Variants in COL22A1 observed in about 807,000 individuals in gnomAD.
The protein encoded by COL22A1 is collagen alpha-1(XXII) chain.
Under a neutral mutation model 248.9 loss-of-function variants are expected in COL22A1, and 221 were observed. The observed-to-expected ratio is 0.89, with a 90% CI of 0.80 to 0.99. The LOEUF is 0.99. Ranked by LOEUF, COL22A1 falls within the 50% of genes least tolerant of loss-of-function variation. COL22A1 has a pLI of 0.00. For missense variants in COL22A1, 2,240 were observed against 2,179.0 expected, an observed-to-expected ratio of 1.03 and a Z score of -0.56; for synonymous variants, 891 against 793.4, an observed-to-expected ratio of 1.12 and a Z score of -2.07.
intron 37 of COL22A1, among the ~76,000 whole-genome samples, chr8:138,686,743 G>A (rs1826389134): frequency 6.6e-6 from 1 of 152,112 alleles, no homozygotes; most frequent in African/African-American, 2.4e-5. Flanking sequence ...TTCTGAACAT[G>A]CACCTGTTAG....
In COL22A1 at chr8:138,890,978, G is replaced by C. The variant is rs548011811; in HGVS notation, c.-72-7734C>G. On this transcript the variant is annotated intron_variant, in intron 1 of 64. Coordinates refer to ENST00000303045, the MANE Select transcript of COL22A1 (RefSeq NM_152888.3). The stretch of plus-strand genomic sequence containing the variant: ...GTGGAGGTTGCAGTGAGCTGAGATC[G>C]TTCCACCATATTCCAGCCTGGCGAC... Among the ~76,000 whole-genome samples the C allele has an allele frequency of 1.4e-3, 209 of 151,930 alleles. 1 individual carries two copies. The highest frequency in any genetic ancestry group is 2.2e-3 in the Non-Finnish European group (147 of 67,966).
chr8:138,701,258 A>G (rs1032351757), intron 31 of COL22A1, among the ~76,000 whole-genome samples: 2 of 152,144 alleles, frequency 1.3e-5, no homozygotes. Context: ...ATAATTTGCA[A>G]TGTAGCTATA....
Position 138,722,070 on chromosome 8 carries a change from C to T in COL22A1, c.2267G>A (p.Gly756Glu), listed in dbSNP as rs1233569409. Residue 756 changes from glycine to glutamate, a missense_variant, in exon 26 of 65, where the codon GGG becomes GAG. By Grantham distance (98) the Gly-to-Glu change is moderately conservative. Transcript: ENST00000303045. ...PGPTGPPGKDGPNGPPGPPGT... is the reference protein window; with the variant it reads ...PGPTGPPGKDEPNGPPGPPGT... ...TGGCGGACCTGGTGGTCCATTTGGC[C>T]CGTCCTTTCCAGGGGGTCCCTGGGC... The T allele has an allele frequency of 1.3e-6, 2 of 1,583,622 alleles. No homozygotes were observed. Among genetic ancestry groups the T allele is most frequent in the East Asian group, 4.5e-5 (2 of 44,058 alleles).
intron 48 of COL22A1, among the ~76,000 whole-genome samples, chr8:138,636,421 C>T (rs536572482): frequency 1.4e-5 from 2 of 144,890 alleles, no homozygotes; most frequent in South Asian, 2.3e-4. Context: ...AATGAGTGTC[C>T]ATTTCAGTGA....
At chr8:138,737,714 C>T (rs1831234257) in intron 22 of COL22A1, 137 bp from the exon 23 acceptor site, 6 of 624,104 alleles carry the variant, frequency 9.6e-6, no homozygotes, top group South Asian at 9.5e-5. Flanking sequence ...TCAGGAGTGC[C>T]CCACAGAGGA....
Position 138,594,142 on chromosome 8 carries a change from C to G in COL22A1, c.4490G>C (p.Gly1497Ala). ...MPPAYMKSSQ[G>A]RPGPPGPPGK... is the part of the protein sequence containing the mutation. Reference sequence around the variant, plus strand: ...AGGGGGCCCTGGGGGCCCAGGTCTGCCTTGAGATGACTTCATGTACGCCGG... The same window carrying G: ...AGGGGGCCCTGGGGGCCCAGGTCTGGCTTGAGATGACTTCATGTACGCCGG... The change falls in exon 63 of 65, where the codon GGC becomes GCC. Residue 1497 changes from glycine to alanine, a missense_variant. Transcript: ENST00000303045. 6.3e-7 allele frequency: 1 copy of G among 1,578,738 alleles called. No individual in the cohort carries two copies. The highest frequency in any genetic ancestry group is 8.6e-7 in the Non-Finnish European group (1 of 1,168,538).
chr8:138,817,039 G>A (rs530923455), intron 7 of COL22A1, among the ~76,000 whole-genome samples: 18 of 152,338 alleles, frequency 1.2e-4, no homozygotes, highest in African/African-American at 3.6e-4. Context: ...GCTCTGACAG[G>A]TGTGAGTTTC....
intron 50 of COL22A1, among the ~76,000 whole-genome samples, chr8:138,629,216 G>A (rs961226425): frequency 6.6e-6 from 1 of 152,116 alleles, no homozygotes; most frequent in Admixed American, 6.5e-5. Context: ...GAGTGCAGTG[G>A]TGCGATCTCA....
At chr8:138,805,206 T>C (rs1391391315) in intron 10 of COL22A1, among the ~76,000 whole-genome samples, 2 of 138,470 alleles carry the variant, frequency 1.4e-5, no homozygotes, top group Admixed American at 7.2e-5. Context: ...GGGTGTGTGA[T>C]GGGGTGTGTG....
intron 58 of COL22A1, among the ~76,000 whole-genome samples, chr8:138,605,622 T>G (rs888433308): frequency 1.3e-5 from 2 of 152,102 alleles, no homozygotes; most frequent in Non-Finnish European, 2.9e-5. Context: ...TTGGAGGGTA[T>G]GGACAAGAAC....
At chr8:138,699,961 T>C (rs1244632995) in intron 32 of COL22A1, 151 bp downstream of exon 32, 1 of 751,574 alleles carries the variant, frequency 1.3e-6, no homozygotes, top group South Asian at 1.7e-5. Context: ...CCACCTGTTT[T>C]CAGGACAAGC....
chr8:138,732,778 C>A (rs987503530), intron 23 of COL22A1, among the ~76,000 whole-genome samples: 1 of 152,156 alleles, frequency 6.6e-6, no homozygotes, highest in African/African-American at 2.4e-5. Context: ...CCCTCTAATA[C>A]TACAGTGACT....
chr8:138,801,954 G>A (rs1047214457), intron 11 of COL22A1, among the ~76,000 whole-genome samples: 12 of 152,072 alleles, frequency 7.9e-5, no homozygotes, highest in African/African-American at 2.9e-4. Flanking sequence ...GACAATAACT[G>A]AGGCCCATTT....
At position 138,600,595 on chromosome 8, in the gene COL22A1, A is replaced by G. The variant is rs562919379; in HGVS notation, c.4185+1520T>C. On this transcript the variant is annotated intron_variant, in intron 60 of 64. Coordinates refer to ENST00000303045, the MANE Select transcript of COL22A1 (RefSeq NM_152888.3). ...CAAAGCCCTGTGATGGACCCTGGAG[A>G]GGAGATGGGGCTAAGGGGTGAGATG... Among the ~76,000 whole-genome samples, 3 of 152,306 alleles carry G rather than the reference A, an allele frequency of 2.0e-5. No individual in the cohort carries two copies. The South Asian group carries it at 6.2e-4, about 32-fold the overall frequency.
chr8:138,606,192 T>C (rs1818404075), intron 58 of COL22A1, among the ~76,000 whole-genome samples, 189 bp downstream of exon 58: 1 of 152,172 alleles, frequency 6.6e-6, no homozygotes, highest in Non-Finnish European at 1.5e-5. Flanking sequence ...GGCACTGAGA[T>C]TGCCATGCAG....
chr8:138,675,252 G>A (rs1825419298), intron 41 of COL22A1, among the ~76,000 whole-genome samples: 1 of 152,166 alleles, frequency 6.6e-6, no homozygotes, highest in African/African-American at 2.4e-5. Flanking sequence ...AGAGGCCCAA[G>A]AACTACTCTG....
chr8:138,664,209 G>GCGCGCGCGCGCGCACACACA (rs1440442280), intron 41 of COL22A1, among the ~76,000 whole-genome samples: 1 of 103,158 alleles, frequency 9.7e-6, no homozygotes, highest in African/African-American at 4.0e-5. Context: ...GCGCGCGCGC[G>GCGCGCGCGCGCGCACACACA]CACACACACA....
intron 10 of COL22A1, among the ~76,000 whole-genome samples, chr8:138,806,029 G>GTGGTGTATGA (rs1817607957): frequency 1.7e-4 from 2 of 11,610 alleles, no homozygotes; most frequent in African/African-American, 3.1e-4. Context: ...ATGGTGTGTG[G>GTGGTGTATGA]TTGTGTGTGT....
intron 1 of COL22A1, among the ~76,000 whole-genome samples, chr8:138,905,651 C>A (rs1268977537): frequency 6.6e-6 from 1 of 152,168 alleles, no homozygotes; most frequent in Non-Finnish European, 1.5e-5. Context: ...ATTATAAATT[C>A]CCCTTTACTG....
Sources: gnomAD v4.1 joint callset for allele counts (sites outside exome capture counted in the v4.1 genomes callset) on GRCh38, gnomAD v4.1.1 for gene constraint, MANE v1.5 for transcripts, NCBI Gene and HGNC (gene_info 2026-07-23, HGNC 2026-07-21) for gene names.